Variants in MDGA2 observed in about 807,000 individuals in gnomAD.
MDGA2 encodes MAM domain-containing glycosylphosphatidylinositol anchor protein 2.
A neutral mutation model predicts 117.8 loss-of-function variants in MDGA2; 40 were observed. The observed-to-expected ratio is 0.34, with a 90% CI of 0.26 to 0.44. MDGA2 has a LOEUF of 0.44. Among genes scored for constraint, MDGA2 ranks in the 20% least tolerant of loss-of-function variants. MDGA2 has a pLI of 1.00. For synonymous variants in MDGA2, 452 were observed against 439.0 expected (o/e 1.03, Z -0.37); for missense variants, 1,123 against 1,250.6 (o/e 0.90, Z 1.54).
chr14:47,561,158 G>GTTTTTTTTTTTTTTTT (rs200625450), intron 1 of MDGA2, among the ~76,000 whole-genome samples: 4 of 55,096 alleles, frequency 7.3e-5, no homozygotes, highest in Admixed American at 2.5e-4. Context: ...TTTTTGTTTT[G>GTTTTTTTTTTTTTTTT]TTTTGTTTTT....
intron 9 of MDGA2, among the ~76,000 whole-genome samples, chr14:46,934,143 A>G (rs953431792): frequency 6.6e-6 from 1 of 151,934 alleles, no homozygotes; most frequent in Non-Finnish European, 1.5e-5. Flanking sequence ...CTATATTTTC[A>G]TTTATGTTAT....
chr14:47,061,498 T>A lies in MDGA2; in HGVS notation c.1276A>T (p.Ile426Leu), dbSNP rs1305082837. ...GGAACAGCTTCTACTTGGCAAGATA[T>A]TTTCACCTCACGGCCAATCTGGATG... is the stretch of plus-strand genomic sequence containing the variant. ...DNIQIGREVK[I>L]SCQVEAVPSE... Residue 426 changes from isoleucine (I) to leucine (L), a missense_variant, in exon 7 of 17, where the codon ATA becomes TTA. Around this residue, in one of 2 missense-constraint regions of MDGA2, gnomAD observed 890 missense variants for 1,050.3 expected, o/e 0.85. Transcript: ENST00000399232. 1.9e-6 allele frequency: 3 copies of A among 1,613,318 alleles called. No individual in the cohort carries two copies. The African/African-American group carries it at 4.0e-5, about 22-fold the overall frequency.
intron 3 of MDGA2, 54 bp downstream of exon 3, chr14:47,217,967 G>C: frequency 7.3e-7 from 1 of 1,371,642 alleles, no homozygotes; most frequent in Non-Finnish European, 9.7e-7. Context: ...AGACTTGTAA[G>C]ACAAAAGAAA....
chr14:47,122,218 G>T (rs1216360899), intron 5 of MDGA2, among the ~76,000 whole-genome samples: 1 of 151,984 alleles, frequency 6.6e-6, no homozygotes, highest in East Asian at 1.9e-4. Flanking sequence ...TCACAGAGTT[G>T]AAGGAATTGA....
chr14:47,232,038 C>A (rs537455371), intron 2 of MDGA2, among the ~76,000 whole-genome samples: 1 of 152,174 alleles, frequency 6.6e-6, no homozygotes, highest in East Asian at 1.9e-4. Context: ...GGACACTCAT[C>A]ATCTCATTCC....
chr14:47,465,940 A>G (rs554899562), intron 1 of MDGA2, among the ~76,000 whole-genome samples: 19 of 152,206 alleles, frequency 1.2e-4, no homozygotes, highest in African/African-American at 3.8e-4. Flanking sequence ...ATGCTCATCA[A>G]TGACAGATTG....
At chr14:46,889,537 T>C (rs12887986) in intron 10 of MDGA2, among the ~76,000 whole-genome samples, 1 of 152,134 alleles carries the variant, frequency 6.6e-6, no homozygotes, top group Admixed American at 6.6e-5. Context: ...TTTCTAGTTG[T>C]GTTCTAGCGT....
intron 1 of MDGA2, among the ~76,000 whole-genome samples, chr14:47,483,279 T>C (rs1353984730): frequency 1.3e-5 from 2 of 152,218 alleles, no homozygotes; most frequent in South Asian, 4.1e-4. Flanking sequence ...ATTTCAGATA[T>C]TCCATATTGT....
chr14:47,538,417 A>G (rs1415104109), intron 1 of MDGA2, among the ~76,000 whole-genome samples: 1 of 152,240 alleles, frequency 6.6e-6, no homozygotes, highest in Non-Finnish European at 1.5e-5. Flanking sequence ...GATTCCCAGT[A>G]AATTATAGTT....
intron 2 of MDGA2, among the ~76,000 whole-genome samples, chr14:47,245,919 C>A (rs1887220833): frequency 6.6e-6 from 1 of 151,710 alleles, no homozygotes; most frequent in Non-Finnish European, 1.5e-5. Context: ...AACAACTCTA[C>A]AAAGTGATGG....
chr14:47,495,239 T>C (rs1894256932), intron 1 of MDGA2, among the ~76,000 whole-genome samples: 1 of 151,826 alleles, frequency 6.6e-6, no homozygotes, highest in African/African-American at 2.4e-5. Flanking sequence ...ACATACAGAG[T>C]GTAATAATAG....
In MDGA2 at chr14:47,164,542, C is replaced by T. The variant is rs201662391; in HGVS notation, c.596-20268G>A. 1.4e-4 allele frequency among the ~76,000 whole-genome samples: 21 copies of T among 152,234 alleles called. 1 individual carries two copies. In the East Asian group the frequency reaches 3.5e-3, roughly 25 times the overall value. On this transcript the variant is annotated intron_variant, in intron 3 of 16. Coordinates refer to ENST00000399232, the MANE Select transcript of MDGA2 (RefSeq NM_001113498.3). Reference sequence around the variant, plus strand: ...GCCATCAGAGAAATGCAAATCAAAACCACAATGAGATACCATCTCACACCA... The same window carrying T: ...GCCATCAGAGAAATGCAAATCAAAATCACAATGAGATACCATCTCACACCA...
At chr14:46,933,200 G>T (rs1028192240) in intron 9 of MDGA2, among the ~76,000 whole-genome samples, 5 of 151,850 alleles carry the variant, frequency 3.3e-5, no homozygotes, top group African/African-American at 1.2e-4. Flanking sequence ...TTTAAGACAC[G>T]TTCCAGAAAA....
chr14:47,327,963 G>A (rs1346493076), intron 1 of MDGA2, among the ~76,000 whole-genome samples: 2 of 152,120 alleles, frequency 1.3e-5, no homozygotes, highest in Non-Finnish European at 1.5e-5. Flanking sequence ...AAGTTTTCCT[G>A]CCTACAATTG....
rs550731635 is a variant in MDGA2 at position 47,467,726 on chromosome 14, T to A, written c.281-166176A>T. On this transcript the variant is annotated intron_variant, in intron 1 of 16. Transcript: ENST00000399232. ...CTGTAAAATGAGGGATAAATGAAGT[T>A]GTTCTGATGATTCAATAAGTATGTG... is the stretch of plus-strand genomic sequence containing the variant. Among the ~76,000 whole-genome samples, 3 of 152,260 alleles carry A rather than the reference T, an allele frequency of 2.0e-5. No individual in the cohort carries two copies. In the East Asian group the frequency reaches 5.8e-4, roughly 29 times the overall value.
intron 10 of MDGA2, among the ~76,000 whole-genome samples, chr14:46,883,923 CTTGTA>C (rs1882564620): frequency 6.6e-6 from 1 of 151,806 alleles, no homozygotes; most frequent in African/African-American, 2.4e-5. Context: ...GCATCATTGC[CTTGTA>C]ATATGTGTCT....
intron 3 of MDGA2, among the ~76,000 whole-genome samples, chr14:47,217,539 C>T (rs536862742): frequency 2.6e-5 from 4 of 151,770 alleles, no homozygotes; most frequent in Admixed American, 2.0e-4. Context: ...GCAGACTATA[C>T]GTAGAGATTT....
intron 16 of MDGA2, 48 bp from the exon 17 acceptor site, chr14:46,842,067 C>G (rs1394065448): frequency 7.8e-7 from 1 of 1,281,608 alleles, no homozygotes; most frequent in East Asian, 2.3e-5. Flanking sequence ...GAATAATAAG[C>G]ATTCCACGTA....
intron 11 of MDGA2, among the ~76,000 whole-genome samples, chr14:46,878,449 T>A (rs1436604152): frequency 6.6e-6 from 1 of 152,070 alleles, no homozygotes; most frequent in Non-Finnish European, 1.5e-5. Flanking sequence ...ATTTTCTTAG[T>A]GGTTGTCATT....
Sources: allele counts gnomAD v4.1 joint callset (sites outside exome capture counted in the v4.1 genomes callset), GRCh38; gene constraint gnomAD v4.1.1; regional missense constraint gnomAD v4.1.1; transcripts MANE v1.5; gene names NCBI Gene and HGNC (gene_info 2026-07-23, HGNC 2026-07-21).